The following CNTNAP5 variants were observed in gnomAD, a reference collection of about 807,000 sequenced individuals.
CNTNAP5 encodes contactin associated protein family member 5.
Under a neutral mutation model 150.2 loss-of-function variants are expected in CNTNAP5, and 72 were observed. That is an observed-to-expected ratio of 0.48 (90% confidence interval 0.40 to 0.58). The LOEUF (loss-of-function observed/expected upper bound fraction) is 0.58. CNTNAP5 is among the 20% of genes least tolerant of loss of function. The probability of loss-of-function intolerance (pLI) is 0.00; values close to 1 mark genes in which losing one functional copy is unlikely to be tolerated. For synonymous variants in CNTNAP5, 672 were observed against 619.8 expected, an observed-to-expected ratio of 1.08 and a Z score of -1.25; for missense variants, 1,636 against 1,626.2, an observed-to-expected ratio of 1.01 and a Z score of -0.10.
intron 1 of CNTNAP5, among the ~76,000 whole-genome samples, chr2:124,204,837 A>G (rs1467875788): frequency 6.6e-6 from 1 of 152,128 alleles, no homozygotes; most frequent in Non-Finnish European, 1.5e-5. Context: ...AAGATGAGCT[A>G]TGGGGACACA....
intron 3 of CNTNAP5, among the ~76,000 whole-genome samples, chr2:124,356,789 C>A (rs1045977259): frequency 6.6e-5 from 10 of 151,390 alleles, no homozygotes; most frequent in Admixed American, 3.9e-4. Context: ...GTCTTTATAG[C>A]AGCATGATTT....
intron 19 of CNTNAP5, among the ~76,000 whole-genome samples, chr2:124,864,808 A>T (rs1677595820): frequency 6.6e-6 from 1 of 152,156 alleles, no homozygotes; most frequent in South Asian, 2.1e-4. Context: ...ATGGACCCTA[A>T]AGGGTTAAAG....
chr2:124,051,962 G>A (rs1681708585), intron 1 of CNTNAP5, among the ~76,000 whole-genome samples: 2 of 152,044 alleles, frequency 1.3e-5, no homozygotes, highest in Non-Finnish European at 2.9e-5. Flanking sequence ...TAATATTTTT[G>A]TAAAACACAA....
At chr2:124,543,090 A>G (rs1452757947) in intron 10 of CNTNAP5, among the ~76,000 whole-genome samples, 1 of 152,204 alleles carries the variant, frequency 6.6e-6, no homozygotes, top group African/African-American at 2.4e-5. Flanking sequence ...TTGAATAGCA[A>G]GAGTGCCTAA....
At chr2:124,489,177 C>A (rs1044484362) in intron 7 of CNTNAP5, among the ~76,000 whole-genome samples, 1 of 152,206 alleles carries the variant, frequency 6.6e-6, no homozygotes, top group Non-Finnish European at 1.5e-5. Flanking sequence ...TATTAAAACT[C>A]CTTCTATCAC....
intron 3 of CNTNAP5, among the ~76,000 whole-genome samples, chr2:124,255,481 G>A (rs1010942329): frequency 4.6e-5 from 7 of 151,440 alleles, no homozygotes; most frequent in Admixed American, 1.3e-4. Context: ...CCGAGATCAC[G>A]CCACGGCACT....
intron 13 of CNTNAP5, among the ~76,000 whole-genome samples, chr2:124,675,294 C>T (rs1208673900): frequency 6.6e-6 from 1 of 151,984 alleles, no homozygotes; most frequent in Non-Finnish European, 1.5e-5. Flanking sequence ...TATAGTTATG[C>T]TTGCATGGTG....
At chr2:124,025,922 C>G (rs149702803) in intron 1 of CNTNAP5, among the ~76,000 whole-genome samples, 190 bp downstream of exon 1, 80 of 152,266 alleles carry the variant, frequency 5.3e-4, no homozygotes, top group Non-Finnish European at 8.1e-4. Flanking sequence ...GCCAACCGTG[C>G]TGGATTTCCT....
intron 1 of CNTNAP5, among the ~76,000 whole-genome samples, chr2:124,194,034 G>C (rs2104698758): frequency 6.6e-6 from 1 of 152,174 alleles, no homozygotes; most frequent in East Asian, 1.9e-4. Context: ...TCTTGCGATA[G>C]CTTTGTGCCT....
At chr2:124,280,717 A>C (rs1687992067) in intron 3 of CNTNAP5, among the ~76,000 whole-genome samples, 2 of 152,168 alleles carry the variant, frequency 1.3e-5, no homozygotes, top group South Asian at 4.1e-4. Context: ...TATGTCTTCA[A>C]ATCAAGACAC....
chr2:124,774,459 T>C (rs1681277306), intron 17 of CNTNAP5, among the ~76,000 whole-genome samples: 2 of 152,188 alleles, frequency 1.3e-5, no homozygotes, highest in Admixed American at 6.5e-5. Flanking sequence ...GTTCCCCAGA[T>C]CCAGCAGAAG....
At chr2:124,747,497 C>T in intron 14 of CNTNAP5, 112 bp downstream of exon 14, 2 of 1,266,648 alleles carry the variant, frequency 1.6e-6, no homozygotes, top group South Asian at 1.2e-5. Flanking sequence ...ACTGGAGCTC[C>T]CCCGATGGTG....
chr2:124,382,699 T>C (rs2104739598), intron 3 of CNTNAP5, among the ~76,000 whole-genome samples: 1 of 152,234 alleles, frequency 6.6e-6, no homozygotes, highest in East Asian at 1.9e-4. Flanking sequence ...TAAATATCTA[T>C]ATGAAAGGCT....
chr2:124,251,743 G>A (rs1044407044), intron 3 of CNTNAP5, among the ~76,000 whole-genome samples: 15 of 152,274 alleles, frequency 9.9e-5, no homozygotes, highest in African/African-American at 3.6e-4. Flanking sequence ...TGACTTGTCA[G>A]TAGAAGAAGT....
intron 1 of CNTNAP5, among the ~76,000 whole-genome samples, chr2:124,030,439 A>C (rs1681013254): frequency 6.6e-6 from 1 of 152,156 alleles, no homozygotes; most frequent in Non-Finnish European, 1.5e-5. Context: ...TAAACAATAA[A>C]AAATCAACAT....
chr2:124,794,999 A>C (rs1681814581), intron 18 of CNTNAP5, among the ~76,000 whole-genome samples: 3 of 152,164 alleles, frequency 2.0e-5, no homozygotes, highest in Admixed American at 6.5e-5. Flanking sequence ...ATCTAAATTA[A>C]TTACAGCTTG....
chr2:124,616,550 A>G (rs72841391), intron 12 of CNTNAP5, among the ~76,000 whole-genome samples: 3,217 of 152,280 alleles, frequency 0.021, 41 homozygotes, highest in Middle Eastern at 0.037. Context: ...TTGCTTTCTT[A>G]TCATTCACAT....
chr2:124,089,394 C>G (rs1458406920), intron 1 of CNTNAP5, among the ~76,000 whole-genome samples: 1 of 151,818 alleles, frequency 6.6e-6, no homozygotes, highest in African/African-American at 2.4e-5. Flanking sequence ...TCCAGTTGTA[C>G]AAATGAGGTA....
intron 3 of CNTNAP5, among the ~76,000 whole-genome samples, chr2:124,293,401 T>G (rs2104636529): frequency 6.6e-6 from 1 of 152,238 alleles, no homozygotes; most frequent in East Asian, 1.9e-4. Flanking sequence ...GAAATAAAAA[T>G]ATTAAAATTC....
Sources: allele counts gnomAD v4.1 joint callset (sites outside exome capture counted in the v4.1 genomes callset), GRCh38; gene constraint gnomAD v4.1.1; transcripts MANE v1.5; gene names NCBI Gene and HGNC (gene_info 2026-07-23, HGNC 2026-07-21).